The following SORCS1 variants were observed in gnomAD, a reference collection of about 807,000 sequenced individuals.
SORCS1 encodes sortilin related VPS10 domain containing receptor 1.
Under a neutral mutation model 146.1 loss-of-function variants are expected in SORCS1, and 60 were observed. That is an observed-to-expected ratio of 0.41 (90% confidence interval 0.33 to 0.51). The LOEUF is 0.51. Ranked by LOEUF, SORCS1 falls within the 20% of genes least tolerant of loss-of-function variation. SORCS1 has a pLI of 0.21. For synonymous variants in SORCS1, 637 were observed against 584.0 expected, an observed-to-expected ratio of 1.09 and a Z score of -1.31; for missense variants, 1,352 against 1,487.6, an observed-to-expected ratio of 0.91 and a Z score of 1.50.
intron 2 of SORCS1, among the ~76,000 whole-genome samples, chr10:106,928,335 C>T (rs1169532245): frequency 1.3e-5 from 2 of 152,230 alleles, no homozygotes; most frequent in African/African-American, 4.8e-5. Context: ...CCCTCCGCAG[C>T]CGCTGGCCCG....
intron 5 of SORCS1, among the ~76,000 whole-genome samples, chr10:106,732,998 T>A (rs11193029): frequency 0.43 from 64,753 of 150,506 alleles, 13,922 homozygotes; most frequent in South Asian, 0.46. Context: ...GTGTACCTGT[T>A]TCGGGAGGCT....
chr10:106,680,737 C>G (rs1361588585), intron 10 of SORCS1, among the ~76,000 whole-genome samples: 6 of 152,160 alleles, frequency 3.9e-5, no homozygotes, highest in Admixed American at 3.9e-4. Context: ...TTTCATATCT[C>G]AGGAAGATTA....
At chr10:106,774,919 T>C (rs1860311092) in intron 4 of SORCS1, among the ~76,000 whole-genome samples, 1 of 152,216 alleles carries the variant, frequency 6.6e-6, no homozygotes, top group Non-Finnish European at 1.5e-5. Flanking sequence ...CCTACAATTA[T>C]AATTATCCAT....
rs34612293 is a variant in SORCS1, at chr10:106,979,706, CA to C, written c.559-23127del. On this transcript the variant is annotated intron_variant, in intron 1 of 25. Coordinates refer to ENST00000263054, the MANE Select transcript of SORCS1 (RefSeq NM_052918.5). ...AGGATATGGGCTCTCCATTCAGTCA[CA>C]GGAGCCCTCTGCCATCACTCGTGTG... 5.2e-3 allele frequency among the ~76,000 whole-genome samples: 792 copies of C among 152,326 alleles called. 11 individuals carry two copies. Among genetic ancestry groups the C allele is most frequent in the African/African-American group, 0.018 (744 of 41,574 alleles).
intron 23 of SORCS1, among the ~76,000 whole-genome samples, chr10:106,599,518 A>AGT (rs1350221815): frequency 6.6e-6 from 1 of 152,240 alleles, no homozygotes; most frequent in African/African-American, 2.4e-5. Context: ...GGAATCAGAC[A>AGT]GTGGAGTTTT....
chr10:106,617,673 CT>C (rs1468593013), intron 21 of SORCS1, among the ~76,000 whole-genome samples: 4 of 152,068 alleles, frequency 2.6e-5, no homozygotes, highest in Non-Finnish European at 5.9e-5. Context: ...TGTTATGACC[CT>C]TCCATCACTC....
intron 9 of SORCS1, among the ~76,000 whole-genome samples, chr10:106,690,955 C>T (rs956822816): frequency 2.0e-5 from 3 of 152,142 alleles, no homozygotes; most frequent in Non-Finnish European, 4.4e-5. Flanking sequence ...TTTCTTGGAA[C>T]CTCTACCCTC....
intron 23 of SORCS1, among the ~76,000 whole-genome samples, chr10:106,598,545 C>A (rs1324726750): frequency 6.6e-6 from 1 of 152,084 alleles, no homozygotes; most frequent in Admixed American, 6.6e-5. Flanking sequence ...CAGGCATGAG[C>A]CACTGCGCCC....
At chr10:106,936,914 C>T (rs1953749830) in intron 2 of SORCS1, among the ~76,000 whole-genome samples, 1 of 152,196 alleles carries the variant, frequency 6.6e-6, no homozygotes, top group Non-Finnish European at 1.5e-5. Flanking sequence ...TAAACTTATG[C>T]TGTGGTTAAA....
At chr10:106,773,286 G>A (rs764368836) in intron 4 of SORCS1, among the ~76,000 whole-genome samples, 1 of 152,190 alleles carries the variant, frequency 6.6e-6, no homozygotes, top group Non-Finnish European at 1.5e-5. Context: ...GCCAACACCA[G>A]CACATGGTCC....
At chr10:106,644,625 A>G (rs1378635197) in intron 18 of SORCS1, among the ~76,000 whole-genome samples, 1 of 152,182 alleles carries the variant, frequency 6.6e-6, no homozygotes, top group Non-Finnish European at 1.5e-5. Flanking sequence ...TTGGCCTCCC[A>G]AAGTGCCAGG....
intron 2 of SORCS1, among the ~76,000 whole-genome samples, chr10:106,922,545 C>T (rs946042377): frequency 1.3e-5 from 2 of 152,100 alleles, no homozygotes; most frequent in African/African-American, 4.8e-5. Flanking sequence ...TTAAGGGTAG[C>T]TTTAGGTTCA....
At chr10:106,820,051 T>G (rs746433143) in intron 3 of SORCS1, among the ~76,000 whole-genome samples, 3 of 152,220 alleles carry the variant, frequency 2.0e-5, no homozygotes, top group Non-Finnish European at 4.4e-5. Context: ...CCTCTTCTCT[T>G]ATCTGTGAGA....
chr10:106,947,045 A>G (rs969915629), intron 2 of SORCS1, among the ~76,000 whole-genome samples: 1 of 152,204 alleles, frequency 6.6e-6, no homozygotes, highest in Non-Finnish European at 1.5e-5. Context: ...ACACATATGA[A>G]AAGATGATCA....
At chr10:107,171,514 CTT>C in the SORCS1 span, among the ~76,000 whole-genome samples, 9 of 117,288 alleles carry the variant, frequency 7.7e-5, no homozygotes, top group Admixed American at 4.8e-4. Context: ...GGGAATCCCC[CTT>C]TTTTTTTTTT....
chr10:106,610,788 T>C (rs1476756769), intron 22 of SORCS1, among the ~76,000 whole-genome samples: 1 of 152,082 alleles, frequency 6.6e-6, no homozygotes, highest in Non-Finnish European at 1.5e-5. Context: ...CTCATGAAAG[T>C]AGAATAAGGG....
chr10:107,165,292 AGTGTGTGT>A (rs3982278), upstream of SORCS1, among the ~76,000 whole-genome samples: 5 of 142,796 alleles, frequency 3.5e-5, no homozygotes, highest in South Asian at 4.5e-4. The surrounding 1 kb of genome is among the most constrained non-coding windows in gnomAD (Gnocchi z 4.0). Flanking sequence ...CTCGTGTGTG[AGTGTGTGT>A]GTGTGTGTGT....
intron 1 of SORCS1, among the ~76,000 whole-genome samples, chr10:107,147,374 C>T (rs899284550): frequency 3.9e-5 from 6 of 152,186 alleles, no homozygotes; most frequent in African/African-American, 1.4e-4. Context: ...GACTAGACAG[C>T]CATCAGCCCA....
At chr10:106,612,413 C>T (rs1323240784) in intron 21 of SORCS1, among the ~76,000 whole-genome samples, 2 of 143,456 alleles carry the variant, frequency 1.4e-5, no homozygotes, top group African/African-American at 2.6e-5. Flanking sequence ...ACCCCCGCAG[C>T]GTGACCGATA....
Sources: allele counts gnomAD v4.1 joint callset (sites outside exome capture counted in the v4.1 genomes callset), GRCh38; gene constraint gnomAD v4.1.1; non-coding constraint Gnocchi (gnomAD v3.1); transcripts MANE v1.5; gene names NCBI Gene and HGNC (gene_info 2026-07-23, HGNC 2026-07-21).